PSG9: variants seen among roughly 807,000 people sequenced by gnomAD.
PSG9 encodes the protein pregnancy-specific beta-1-glycoprotein 9.
In PSG9, 49 loss-of-function variants were observed where a neutral mutation model predicts 41.9. The observed-to-expected ratio is 1.17, with a 90% CI of 0.93 to 1.48. The LOEUF (loss-of-function observed/expected upper bound fraction) is 1.48, where lower values mean the gene tolerates loss of function less well. PSG9 is among the 40% of genes most tolerant of loss of function. PSG9 has a pLI of 0.00. For synonymous variants in PSG9, 263 were observed against 196.8 expected (o/e 1.34, Z -2.82); for missense variants, 641 against 520.3 (o/e 1.23, Z -2.26).
chr19:43,269,410 A>T lies in PSG9; in HGVS notation c.22T>A (p.Ser8Thr). MGPLPAP[S>T]CTQRITWKGL... ...TTCCAGGTGATGCGCTGTGTGCAGG[A>T]AGGGGCTGGGAGGGGCCCCATGGTC... is the stretch of plus-strand genomic sequence containing the variant. The change falls in exon 1 of 6, where the codon TCC becomes ACC. Residue 8 changes from serine (S) to threonine (T), a missense_variant. By Grantham distance (58) the Ser-to-Thr change is moderately conservative. Coordinates refer to ENST00000270077, the MANE Select transcript of PSG9 (RefSeq NM_002784.5). 1 of 1,613,680 alleles carries T rather than the reference A, an allele frequency of 6.2e-7. No individual in the cohort carries two copies. Among genetic ancestry groups the T allele is most frequent in the East Asian group, 2.2e-5 (1 of 44,852 alleles).
chr19:43,258,231 A>C lies in PSG9; in HGVS notation c.1214T>G (p.Ile405Ser), dbSNP rs902339210. The change falls in exon 5 of 6, where the codon ATC (isoleucine) becomes AGC (serine). Residue 405 changes from isoleucine (I) to serine (S), a missense_variant. Transcript: ENST00000270077. ...SVHNSATGKE[I>S]SKSMTVKVSG... is the part of the protein sequence containing the mutation. ...GACTTTGACTGTCATGGATTTGGAG[A>C]TTTCCTTGCCAGTGGCTGAGTTATG... 2.0e-5 allele frequency: 32 copies of C among 1,592,506 alleles called. 5 individuals are homozygous for C. The East Asian group carries it at 2.9e-4, about 15-fold the overall frequency.
In PSG9 at chr19:43,258,282, T is replaced by C; in HGVS notation, c.1163A>G (p.His388Arg). The C allele has an allele frequency of 6.3e-7, 1 of 1,592,826 alleles. No individual in the cohort carries two copies. ...AACAGAGCAAGCATAGAGCCCGCTA[T>C]GATTTCTAGTAATTTGGGGGATAAA... ...KLFIPQITRNHSGLYACSVHN... is the reference protein window; with the variant it reads ...KLFIPQITRNRSGLYACSVHN... Residue 388 changes from histidine (H) to arginine (R), a missense_variant, in exon 5 of 6, where the codon CAT (histidine) becomes CGT (arginine). His to Arg is a conservative substitution (Grantham distance 29). Transcript: ENST00000270077.
chr19:43,257,520 A>G lies in PSG9; in HGVS notation c.1243+682T>C, dbSNP rs1164369047. 11 of 978,214 alleles carry G rather than the reference A, an allele frequency of 1.1e-5. 1 individual carries two copies. The highest frequency in any genetic ancestry group is 1.3e-5 in the Non-Finnish European group (11 of 828,576). 60.6% of individuals were successfully genotyped at this position (978,214 alleles called of 1,614,324 possible). ...AAAGCCTCATACAGCTGGTGACTTCAGAGCCAGGACGCAGCTCAGGAGTCT... is the reference window on the plus strand; with the variant it reads ...AAAGCCTCATACAGCTGGTGACTTCGGAGCCAGGACGCAGCTCAGGAGTCT... On this transcript the variant is annotated intron_variant, in intron 5 of 5. Transcript: ENST00000270077.
In PSG9 at chr19:43,262,011, G is replaced by A. The variant is rs749827661; in HGVS notation, c.558C>T (p.Ser186=). The part of the protein sequence containing the change: ...ASYLWWMNGQ[S]LPVTHRLQLS... ...GCTGCAACCTGTGAGTCACAGGGAGGCTCTGACCATTCATCCACCATAGGT... is the reference window on the plus strand; with the variant it reads ...GCTGCAACCTGTGAGTCACAGGGAGACTCTGACCATTCATCCACCATAGGT... The change falls in exon 3 of 6, where the codon AGC becomes AGT. Residue 186 remains serine (S), a synonymous_variant. Coordinates refer to ENST00000270077, the MANE Select transcript of PSG9 (RefSeq NM_002784.5). The A allele has an allele frequency of 1.9e-6, 3 of 1,613,894 alleles. No individual in the cohort carries two copies. Among genetic ancestry groups the A allele is most frequent in the Non-Finnish European group, 2.5e-6 (3 of 1,179,922 alleles).
Position 43,261,960 on chromosome 19 carries a change from A to G in PSG9, c.609T>C (p.Tyr203=), listed in dbSNP as rs139948336. The change falls in exon 3 of 6, where the codon TAT becomes TAC. Residue 203 remains tyrosine, a synonymous_variant. Coordinates refer to ENST00000270077, the MANE Select transcript of PSG9 (RefSeq NM_002784.5). ...LQLSKTNRTL[Y]LFGVTKYIAG... ...CAATATACTTTGTGACACCAAATAG[A>G]TAGAGGGTCCTGTTGGTTTTGGACA... is the stretch of plus-strand genomic sequence containing the variant. 1,162 of 1,613,692 alleles carry G rather than the reference A, an allele frequency of 7.2e-4. 12 individuals are homozygous for G. Among genetic ancestry groups the G allele is most frequent in the Non-Finnish European group, 8.8e-4 (1,043 of 1,179,940 alleles).
chr19:43,260,221 T>A (rs1456442889), intron 3 of PSG9: 1 of 147,298 alleles, frequency 6.8e-6, no homozygotes, highest in Non-Finnish European at 1.5e-5. Context: ...GTGTGCAGTT[T>A]CAGTTATGCA....
intron 1 of PSG9, among the ~76,000 whole-genome samples, 176 bp downstream of exon 1, chr19:43,269,192 G>T (rs1399559430): frequency 6.6e-6 from 1 of 151,958 alleles, no homozygotes; most frequent in Non-Finnish European, 1.5e-5. Flanking sequence ...TTTTAGGAGA[G>T]ACTGGGCTTC....
In PSG9 at chr19:43,262,033, A is replaced by T. The variant is rs769713306; in HGVS notation, c.536T>A (p.Leu179Gln). The change falls in exon 3 of 6, where the codon CTA (leucine) becomes CAA (glutamine). Residue 179 changes from leucine to glutamine, a missense_variant. Coordinates refer to ENST00000270077, the MANE Select transcript of PSG9 (RefSeq NM_002784.5). ...GAGGCTCTGACCATTCATCCACCAT[A>T]GGTAGCTTGCGTCCAGAGTCTCAGG... Reference protein sequence around the residue: ...CDPETLDASYLWWMNGQSLPV... With the variant: ...CDPETLDASYQWWMNGQSLPV... 23 of 1,613,878 alleles carry T rather than the reference A, an allele frequency of 1.4e-5. No homozygotes were observed. Among genetic ancestry groups the T allele is most frequent in the Non-Finnish European group, 1.9e-5 (22 of 1,179,920 alleles).
intron 2 of PSG9, among the ~76,000 whole-genome samples, chr19:43,264,380 A>G (rs1419013548): frequency 1.3e-5 from 2 of 152,094 alleles, no homozygotes; most frequent in Non-Finnish European, 2.9e-5. Context: ...TTCTATTGAC[A>G]CATCCTCAAG....
chr19:43,264,202 C>A (rs1344439775), intron 2 of PSG9, among the ~76,000 whole-genome samples: 1 of 152,086 alleles, frequency 6.6e-6, no homozygotes, highest in Non-Finnish European at 1.5e-5. Flanking sequence ...TCCCCAAAAA[C>A]CACCAGTATT....
At chr19:43,264,392 T>G (rs1446235891) in intron 2 of PSG9, among the ~76,000 whole-genome samples, 1 of 152,166 alleles carries the variant, frequency 6.6e-6, no homozygotes, top group East Asian at 1.9e-4. Context: ...ATCCTCAAGC[T>G]AGGGATTCTT....
chr19:43,260,023 T>A (rs964482583), intron 3 of PSG9: 1 of 146,666 alleles, frequency 6.8e-6, no homozygotes, highest in African/African-American at 2.6e-5. Flanking sequence ...ACCATGTGTG[T>A]TTGATGGATA....
chr19:43,253,547 T>A lies in PSG9; in HGVS notation c.*62A>T, dbSNP rs888823533. 1 of 644,970 alleles carries A rather than the reference T, an allele frequency of 1.6e-6. No homozygotes were observed. Among genetic ancestry groups the A allele is most frequent in the African/African-American group, 2.0e-5 (1 of 50,498 alleles). 40.0% of individuals were successfully genotyped at this position (644,970 alleles called of 1,614,324 possible). A position where few individuals can be genotyped will look rare whatever the true frequency, so the allele number is the denominator to read the frequency against. ...CCAATAACATTGAGTTTTTTTCTTC[T>A]TTGTCTTGAATTTCATGAAGGTATC... is the stretch of plus-strand genomic sequence containing the variant. On this transcript the variant is annotated 3_prime_UTR_variant, in exon 6 of 6. Transcript: ENST00000270077.
intron 1 of PSG9, among the ~76,000 whole-genome samples, chr19:43,268,886 G>C (rs955058732): frequency 5.9e-5 from 9 of 152,140 alleles, no homozygotes; most frequent in African/African-American, 1.9e-4. Context: ...CAGGAAAACA[G>C]AACACTTAAG....
intron 5 of PSG9, among the ~76,000 whole-genome samples, chr19:43,255,963 A>G (rs1968431079): frequency 6.8e-6 from 1 of 146,670 alleles, no homozygotes; most frequent in Non-Finnish European, 1.5e-5. Flanking sequence ...AATTCCTATC[A>G]GATTCTCAGT....
chr19:43,255,374 CA>C (rs1165183349), intron 5 of PSG9, among the ~76,000 whole-genome samples: 1 of 145,940 alleles, frequency 6.9e-6, no homozygotes, highest in African/African-American at 2.6e-5. Flanking sequence ...AACATAAAGG[CA>C]ATATGTGAAA....
chr19:43,256,672 AAAC>A (rs1180000377), intron 5 of PSG9, among the ~76,000 whole-genome samples: 8 of 146,796 alleles, frequency 5.4e-5, no homozygotes, highest in African/African-American at 1.8e-4. Context: ...TGGCTTTGAT[AAAC>A]AACAACAATG....
At chr19:43,265,006 G>A (rs1293835004) in intron 2 of PSG9, among the ~76,000 whole-genome samples, 1 of 152,122 alleles carries the variant, frequency 6.6e-6, no homozygotes, top group Non-Finnish European at 1.5e-5. Flanking sequence ...TCAGGGCAGA[G>A]ATTACACAGT....
chr19:43,255,153 C>G lies in PSG9; in HGVS notation c.1244-1507G>C, dbSNP rs1182262172. Among the ~76,000 whole-genome samples the G allele has an allele frequency of 7.0e-5, 10 of 142,594 alleles. 1 individual carries two copies. The highest frequency in any genetic ancestry group is 8.1e-5 in the African/African-American group (3 of 37,130). The allele number at this position is 142,594 out of a possible 152,430, so 93.5% of individuals were successfully genotyped here. ...AGAAAGAAAAATGAAGCGATTACTA[C>G]CAATTCTAATAAAATAATGATGATG... On this transcript the variant is annotated intron_variant, in intron 5 of 5. Coordinates refer to ENST00000270077, the MANE Select transcript of PSG9 (RefSeq NM_002784.5).
Sources: allele counts gnomAD v4.1 joint callset (sites outside exome capture counted in the v4.1 genomes callset), GRCh38; gene constraint gnomAD v4.1.1; transcripts MANE v1.5; gene names NCBI Gene and HGNC (gene_info 2026-07-23, HGNC 2026-07-21).